Variants in AMPD1 observed in about 807,000 individuals in gnomAD.
The protein encoded by AMPD1 is adenosine monophosphate deaminase 1.
In AMPD1, 74 loss-of-function variants were observed where a neutral mutation model predicts 82.9. The observed-to-expected ratio is 0.89, with a 90% CI of 0.74 to 1.08. The LOEUF (loss-of-function observed/expected upper bound fraction) is 1.08. AMPD1 is among the 50% of genes least tolerant of loss of function. The pLI is 0.00. For missense variants in AMPD1, 881 were observed against 924.5 expected (o/e 0.95, Z 0.61); for synonymous variants, 333 against 320.5 (o/e 1.04, Z -0.42).
chr1:114,693,779 A>G (rs1658592526), intron 1 of AMPD1, among the ~76,000 whole-genome samples: 1 of 152,240 alleles, frequency 6.6e-6, no homozygotes, highest in Non-Finnish European at 1.5e-5. Context: ...AAAACAGCTC[A>G]TTTGGTAAAC....
intron 7 of AMPD1, 122 bp from the exon 8 acceptor site, chr1:114,678,649 C>T (rs1658070782): frequency 1.1e-6 from 1 of 936,322 alleles, no homozygotes; most frequent in African/African-American, 1.6e-5. Flanking sequence ...AGGATGTGAG[C>T]TGACAGTTGG....
chr1:114,695,383 A>G, intron 1 of AMPD1, 67 bp downstream of exon 1: 1 of 1,562,902 alleles, frequency 6.4e-7, no homozygotes, highest in Non-Finnish European at 8.6e-7. Flanking sequence ...AGCTAAAGGA[A>G]CAGTTGCTTG....
Position 114,688,713 on chromosome 1 carries a change from A to G in AMPD1, c.63T>C (p.Ala21=), listed in dbSNP as rs151258843. The G allele has an allele frequency of 3.7e-6, 6 of 1,614,192 alleles. No homozygotes were observed. The highest frequency in any genetic ancestry group is 4.2e-6 in the Non-Finnish European group (5 of 1,180,030). The change falls in exon 3 of 16, where the codon GCT becomes GCC. Residue 21 remains alanine (A), a synonymous_variant. Coordinates refer to ENST00000520113, the MANE Select transcript of AMPD1 (RefSeq NM_000036.3). ...KQIDDAMRNF[A]EKVFASEVKD... ...TGACTTCAGAGGCAAACACTTTTTC[A>G]GCAAAGTTGCGCATTGCATCATCAA...
intron 7 of AMPD1, among the ~76,000 whole-genome samples, chr1:114,679,086 A>G (rs1264668102): frequency 6.6e-6 from 1 of 152,172 alleles, no homozygotes; most frequent in Non-Finnish European, 1.5e-5. Flanking sequence ...GTCAGAATAC[A>G]TCTTGGAAGT....
At chr1:114,684,460 G>A (rs1658255374) in intron 4 of AMPD1, 96 bp from the exon 5 acceptor site, 4 of 1,313,488 alleles carry the variant, frequency 3.0e-6, no homozygotes, top group Admixed American at 1.9e-5. Flanking sequence ...GCTCTCCTGT[G>A]TATCGCAGCC....
chr1:114,692,374 G>C (rs1053798600), intron 2 of AMPD1, among the ~76,000 whole-genome samples: 1 of 152,172 alleles, frequency 6.6e-6, no homozygotes, highest in Non-Finnish European at 1.5e-5. Context: ...TACAACCAAA[G>C]TTATAGTTTT....
intron 6 of AMPD1, 54 bp from the exon 7 acceptor site, chr1:114,679,762 C>G (rs1658102100): frequency 1.3e-6 from 2 of 1,594,570 alleles, no homozygotes; most frequent in Non-Finnish European, 1.7e-6. Flanking sequence ...TCAAGAAAAA[C>G]AGTCACAATT....
chr1:114,684,690 T>C (rs1214010130), intron 4 of AMPD1, among the ~76,000 whole-genome samples: 1 of 152,194 alleles, frequency 6.6e-6, no homozygotes, highest in Non-Finnish European at 1.5e-5. Flanking sequence ...CATTCCAACA[T>C]GGTATATACT....
Position 114,673,346 on chromosome 1 carries a change from C to T in AMPD1, c.2086-74G>A, listed in dbSNP as rs927556275. On this transcript the variant is annotated intron_variant, in intron 15 of 15. Coordinates refer to ENST00000520113, the MANE Select transcript of AMPD1 (RefSeq NM_000036.3). ...GTATAGACAATAATTGCATTCTTTACAAAAATTCCTTCCTTATGTTAGCCA... is the reference window on the plus strand; with the variant it reads ...GTATAGACAATAATTGCATTCTTTATAAAAATTCCTTCCTTATGTTAGCCA... 1.9e-6 allele frequency: 3 copies of T among 1,554,380 alleles called. No individual in the cohort carries two copies. The African/African-American group carries it at 4.1e-5, about 21-fold the overall frequency.
chr1:114,684,996 C>G (rs1020906714), intron 4 of AMPD1, among the ~76,000 whole-genome samples: 14 of 152,168 alleles, frequency 9.2e-5, no homozygotes, highest in African/African-American at 3.4e-4. Context: ...GAAATTTCCC[C>G]TGCCCCCATT....
chr1:114,695,207 C>G, intron 1 of AMPD1, among the ~76,000 whole-genome samples: 1 of 152,082 alleles, frequency 6.6e-6, no homozygotes, highest in East Asian at 1.9e-4. Flanking sequence ...ACAGAGTTTT[C>G]TACTGGGATC....
At chr1:114,677,676 A>G (rs111675911) in intron 9 of AMPD1, among the ~76,000 whole-genome samples, 162 bp from the exon 10 acceptor site, 3 of 152,204 alleles carry the variant, frequency 2.0e-5, no homozygotes, top group African/African-American at 4.8e-5. Context: ...CCTTAGCAAT[A>G]GAGGTCTTCA....
intron 5 of AMPD1, among the ~76,000 whole-genome samples, chr1:114,682,601 C>G (rs1006823802): frequency 6.9e-6 from 1 of 145,714 alleles, no homozygotes; most frequent in Non-Finnish European, 1.5e-5. Context: ...TTTTTTGAGA[C>G]GGAGTCTCCC....
intron 10 of AMPD1, 81 bp from the exon 11 acceptor site, chr1:114,676,084 C>T: frequency 2.0e-6 from 3 of 1,497,940 alleles, no homozygotes; most frequent in Non-Finnish European, 1.8e-6. Flanking sequence ...ACCAGAGAAT[C>T]GAATGTCATG....
intron 1 of AMPD1, among the ~76,000 whole-genome samples, chr1:114,694,105 A>G (rs946395716): frequency 3.3e-5 from 5 of 151,916 alleles, no homozygotes; most frequent in African/African-American, 1.2e-4. Context: ...TGTAGTCCCA[A>G]CTACTCGGGA....
chr1:114,695,513 GA>G lies in AMPD1; in HGVS notation c.-43del. On this transcript the variant is annotated 5_prime_UTR_variant, in exon 1 of 16. Transcript: ENST00000520113. The stretch of plus-strand genomic sequence containing the variant: ...GATTCTAGGATAGCACAGTAGAAAA[GA>G]AGAGAGAGGAGACTGTGGGGTGACT... The G allele has an allele frequency of 6.2e-7, 1 of 1,614,080 alleles. No individual in the cohort carries two copies. The highest frequency in any genetic ancestry group is 8.5e-7 in the Non-Finnish European group (1 of 1,180,006).
chr1:114,678,427 C>T lies in AMPD1; in HGVS notation c.998G>A (p.Ser333Asn). Reference protein sequence around the residue: ...YQIDADRVVYSTKEKNLTLKE... With the variant: ...YQIDADRVVYNTKEKNLTLKE... ...TAGGGTCAGATTCTTCTCTTTGGTG[C>T]TATAGACCACTCTGTCAGCATCAAT... Residue 333 changes from serine to asparagine, a missense_variant, in exon 8 of 16, where the codon AGC becomes AAC. Transcript: ENST00000520113. 6.2e-7 allele frequency: 1 copy of T among 1,614,106 alleles called. No individual in the cohort carries two copies. The highest frequency in any genetic ancestry group is 1.7e-5 in the Admixed American group (1 of 60,014).
At chr1:114,675,433 C>G in intron 12 of AMPD1, 97 bp downstream of exon 12, 1 of 1,314,276 alleles carries the variant, frequency 7.6e-7, no homozygotes, top group East Asian at 2.3e-5. Flanking sequence ...GGAACCATCA[C>G]AGTAATGCAT....
At chr1:114,688,470 A>C in intron 3 of AMPD1, 91 bp downstream of exon 3, 1 of 1,436,284 alleles carries the variant, frequency 7.0e-7, no homozygotes, top group Non-Finnish European at 9.8e-7. Context: ...TCTGAGTTGA[A>C]CCATCATTTG....
Sources: allele counts gnomAD v4.1 joint callset (sites outside exome capture counted in the v4.1 genomes callset), GRCh38; gene constraint gnomAD v4.1.1; transcripts MANE v1.5; gene names NCBI Gene and HGNC (gene_info 2026-07-23, HGNC 2026-07-21).